The following SHISA6 variants were observed in gnomAD, a reference collection of about 807,000 sequenced individuals.
The protein encoded by SHISA6 is shisa family member 6.
A neutral mutation model predicts 47.9 loss-of-function variants in SHISA6; 22 were observed. The ratio of observed to expected loss-of-function variants is 0.46; its 90% CI spans 0.33 to 0.66. SHISA6 has a LOEUF of 0.66. Ranked by LOEUF, SHISA6 falls within the 30% of genes least tolerant of loss-of-function variation. The probability of loss-of-function intolerance (pLI) is 0.02; values close to 1 mark genes in which losing one functional copy is unlikely to be tolerated. For missense variants in SHISA6, 680 were observed against 764.6 expected (o/e 0.89, Z 1.30); for synonymous variants, 388 against 337.8 (o/e 1.15, Z -1.63).
At position 11,562,847 on chromosome 17, in the gene SHISA6, C is replaced by T. The variant is rs2072057955; in HGVS notation, c.*4543C>T. The T allele has an allele frequency of 6.6e-6, 1 of 152,486 alleles. No individual in the cohort carries two copies. Among genetic ancestry groups the T allele is most frequent in the African/African-American group, 2.4e-5 (1 of 41,480 alleles). The allele number at this position is 152,486 out of a possible 1,614,324, so 9.4% of individuals were successfully genotyped here. A position where few individuals can be genotyped will look rare whatever the true frequency, so the allele number is the denominator to read the frequency against. ...GCCCCACAGCGATGTCCTCAGATGT[C>T]CTGGACAGCCACCGCACTCCTCACT... On this transcript the variant is annotated 3_prime_UTR_variant, in exon 6 of 6. Transcript: ENST00000441885.
Position 11,241,386 on chromosome 17 carries a change from G to GCGGAAGCCTCCCC in SHISA6, c.-36_-24dup, listed in dbSNP as rs1177524681. 2.8e-6 allele frequency: 3 copies of GCGGAAGCCTCCCC among 1,059,654 alleles called. No homozygotes were observed. In the African/African-American group the frequency reaches 5.2e-5, roughly 18 times the overall value. 65.6% of individuals were successfully genotyped at this position (1,059,654 alleles called of 1,614,324 possible). On this transcript the variant is annotated 5_prime_UTR_variant, in exon 1 of 6. Coordinates refer to ENST00000441885, the MANE Select transcript of SHISA6 (RefSeq NM_207386.4). This position sits in a 1 kb window ranked among gnomAD's most constrained non-coding sequence, Gnocchi z 5.5. ...CGGCCCGCCGGGGGAGCGGCCTGCCGCGGAAGCCTCCCCGCGCCCTCCCGC... is the reference window on the plus strand; with the variant it reads ...CGGCCCGCCGGGGGAGCGGCCTGCCGCGGAAGCCTCCCCCGGAAGCCTCCCCGCGCCCTCCCGC...
intron 2 of SHISA6, among the ~76,000 whole-genome samples, chr17:11,311,274 T>C (rs1910327904): frequency 1.6e-5 from 2 of 122,178 alleles, no homozygotes; most frequent in Admixed American, 1.7e-4. Flanking sequence ...AGAGCAAGAC[T>C]TCGTCAAAAA....
chr17:11,270,874 C>G (rs1908617322), intron 2 of SHISA6, among the ~76,000 whole-genome samples: 1 of 152,274 alleles, frequency 6.6e-6, no homozygotes, highest in African/African-American at 2.4e-5. Flanking sequence ...GCTGTGAGCC[C>G]AGGAGGTGCC....
intron 3 of SHISA6, among the ~76,000 whole-genome samples, chr17:11,384,664 G>T (rs996909971): frequency 6.6e-6 from 1 of 152,158 alleles, no homozygotes; most frequent in South Asian, 2.1e-4. Flanking sequence ...TGGTGGCAGC[G>T]GCAGTGGCAG....
chr17:11,331,302 A>C (rs7219748), intron 2 of SHISA6, among the ~76,000 whole-genome samples: 30,822 of 152,194 alleles, frequency 0.2, 3,424 homozygotes, highest in African/African-American at 0.3. Context: ...AGGCCAAAAG[A>C]GACAACAAAC....
At chr17:11,540,696 T>C (rs1338689659) in intron 3 of SHISA6, among the ~76,000 whole-genome samples, 1 of 152,206 alleles carries the variant, frequency 6.6e-6, no homozygotes, top group Non-Finnish European at 1.5e-5. Flanking sequence ...ACTAATAAAA[T>C]GGGTTATTTA....
At chr17:11,545,736 A>G (rs1195373254) in intron 3 of SHISA6, among the ~76,000 whole-genome samples, 1 of 152,210 alleles carries the variant, frequency 6.6e-6, no homozygotes, top group Non-Finnish European at 1.5e-5. Context: ...GGTCAGAACT[A>G]TCTGAAGTCT....
At chr17:11,529,522 A>G (rs546635000) in intron 3 of SHISA6, among the ~76,000 whole-genome samples, 1 of 152,366 alleles carries the variant, frequency 6.6e-6, no homozygotes, top group African/African-American at 2.4e-5. Context: ...GCGAAACCAT[A>G]CAAGAATAAG....
chr17:11,427,126 T>TTTGTTG (rs556894783), intron 3 of SHISA6, among the ~76,000 whole-genome samples: 1,635 of 152,018 alleles, frequency 0.011, 49 homozygotes, highest in Admixed American at 0.06. Context: ...CTTTCGTATG[T>TTTGTTG]TTGTTGTTGT....
intron 2 of SHISA6, among the ~76,000 whole-genome samples, chr17:11,350,484 A>C (rs374603609): frequency 1.3e-5 from 2 of 151,892 alleles, no homozygotes; most frequent in South Asian, 4.2e-4. Context: ...CCAGCCGAGG[A>C]CCCATTTAAG....
chr17:11,543,944 A>G lies in SHISA6; in HGVS notation c.896-7952A>G, dbSNP rs114749748. On this transcript the variant is annotated intron_variant, in intron 3 of 5. Transcript: ENST00000441885. ...AAAAAAAACAAAAAAAAGAACTTCA[A>G]TGTAAGTCTCCTACCTCATATAAAA... Among the ~76,000 whole-genome samples, 381 of 150,636 alleles carry G rather than the reference A, an allele frequency of 2.5e-3. 1 individual carries two copies. The highest frequency in any genetic ancestry group is 8.9e-3 in the African/African-American group (366 of 41,146).
chr17:11,465,569 C>A (rs1044914435), intron 3 of SHISA6, among the ~76,000 whole-genome samples: 4 of 152,142 alleles, frequency 2.6e-5, no homozygotes, highest in Non-Finnish European at 4.4e-5. Context: ...AAGGCTATTT[C>A]TGCAGCTTCC....
At chr17:11,390,674 A>G (rs1181888500) in intron 3 of SHISA6, among the ~76,000 whole-genome samples, 2 of 152,190 alleles carry the variant, frequency 1.3e-5, no homozygotes, top group Non-Finnish European at 2.9e-5. Flanking sequence ...TATGCCACAC[A>G]GTCTCATTCT....
intron 2 of SHISA6, among the ~76,000 whole-genome samples, chr17:11,367,543 G>A (rs1912496338): frequency 6.6e-6 from 1 of 152,222 alleles, no homozygotes; most frequent in Non-Finnish European, 1.5e-5. Flanking sequence ...TTCCCAAGAG[G>A]TGAGGGGCCC....
At chr17:11,535,885 ATGTGTG>A (rs10570271) in intron 3 of SHISA6, among the ~76,000 whole-genome samples, 4 of 150,290 alleles carry the variant, frequency 2.7e-5, no homozygotes, top group African/African-American at 4.9e-5. Flanking sequence ...TGGGAAAACA[ATGTGTG>A]TGTGTGTGTG....
At chr17:11,246,602 A>G (rs1907603441) in intron 1 of SHISA6, among the ~76,000 whole-genome samples, 1 of 152,220 alleles carries the variant, frequency 6.6e-6, no homozygotes, top group Non-Finnish European at 1.5e-5. Flanking sequence ...GGCAGAAAGA[A>G]GCAAAAATAG....
At chr17:11,372,341 T>C (rs1912654744) in intron 2 of SHISA6, among the ~76,000 whole-genome samples, 1 of 152,238 alleles carries the variant, frequency 6.6e-6, no homozygotes, top group Non-Finnish European at 1.5e-5. Context: ...TTGGCACTAC[T>C]GATTTTCACT....
intron 2 of SHISA6, among the ~76,000 whole-genome samples, chr17:11,327,547 A>G (rs1479009219): frequency 6.6e-6 from 1 of 152,242 alleles, no homozygotes; most frequent in Non-Finnish European, 1.5e-5. Context: ...TGAAGGACCC[A>G]GCACTTTGGG....
chr17:11,364,581 G>A (rs1912384783), intron 2 of SHISA6, among the ~76,000 whole-genome samples: 1 of 152,128 alleles, frequency 6.6e-6, no homozygotes, highest in Non-Finnish European at 1.5e-5. Context: ...ATATGCCACA[G>A]CCTATTTATT....
Sources: gnomAD v4.1 joint callset for allele counts (sites outside exome capture counted in the v4.1 genomes callset) on GRCh38, gnomAD v4.1.1 for gene constraint, Gnocchi (gnomAD v3.1) non-coding constraint, MANE v1.5 for transcripts, NCBI Gene and HGNC (gene_info 2026-07-23, HGNC 2026-07-21) for gene names.